Variants in RPP30 observed in about 807,000 individuals in gnomAD.
The protein encoded by RPP30 is ribonuclease P protein subunit p30.
In RPP30, 36 loss-of-function variants were observed where a neutral mutation model predicts 38.6. That is an observed-to-expected ratio of 0.93 (90% CI 0.71 to 1.23). RPP30 has a LOEUF of 1.23. Ranked by LOEUF, RPP30 falls within the 50% of genes most tolerant of loss-of-function variation. RPP30 has a pLI of 0.00. For synonymous variants in RPP30, 126 were observed against 112.7 expected (o/e 1.12, Z -0.75); for missense variants, 321 against 321.7 (o/e 1.00, Z 0.02).
Position 90,899,980 on chromosome 10 carries a change from A to G in RPP30, c.698-590A>G, listed in dbSNP as rs568669639. On this transcript the variant is annotated intron_variant, in intron 10 of 10. Transcript: ENST00000371703. ...CTAATCTAAGCATTTAATAATTTCTATTTATTCTTTGTTCATTGTCACCAG... is the reference window on the plus strand; with the variant it reads ...CTAATCTAAGCATTTAATAATTTCTGTTTATTCTTTGTTCATTGTCACCAG... Among the ~76,000 whole-genome samples, 10 of 152,280 alleles carry G rather than the reference A, an allele frequency of 6.6e-5. No homozygotes were observed. In the East Asian group the frequency reaches 1.5e-3, roughly 23 times the overall value.
chr10:90,895,377 T>G, intron 7 of RPP30, 77 bp from the exon 8 acceptor site: 1 of 800,872 alleles, frequency 1.2e-6, no homozygotes. Flanking sequence ...TAAAATATGA[T>G]TACTGGCTAT....
intron 5 of RPP30, among the ~76,000 whole-genome samples, chr10:90,883,066 A>G (rs896898769): frequency 6.6e-6 from 1 of 152,156 alleles, no homozygotes; most frequent in Admixed American, 6.5e-5. Flanking sequence ...AGTTTTGTAC[A>G]CATTAAAGTT....
chr10:90,879,031 A>G (rs2120189743), intron 4 of RPP30, 32 bp from the exon 5 acceptor site: 1 of 1,576,816 alleles, frequency 6.3e-7, no homozygotes, highest in Non-Finnish European at 8.7e-7. Context: ...GGATTTTGTT[A>G]TTGTATGATA....
At chr10:90,878,691 C>A (rs1430335822) in intron 4 of RPP30, among the ~76,000 whole-genome samples, 1 of 152,138 alleles carries the variant, frequency 6.6e-6, no homozygotes, top group Admixed American at 6.5e-5. Flanking sequence ...TGGAGTCTCA[C>A]AATGTTTCCC....
chr10:90,903,243 C>A, downstream of RPP30: 3 of 1,610,216 alleles, frequency 1.9e-6, no homozygotes, highest in Non-Finnish European at 2.5e-6. Context: ...AGAGATCATA[C>A]TCCCAAGAAC....
chr10:90,885,427 C>T (rs947602270), intron 5 of RPP30, among the ~76,000 whole-genome samples: 2 of 152,162 alleles, frequency 1.3e-5, no homozygotes, highest in Admixed American at 6.5e-5. Context: ...TGCATACATT[C>T]CATTTGGCTT....
chr10:90,907,800 C>T (rs1847269370), downstream of RPP30, among the ~76,000 whole-genome samples: 1 of 152,178 alleles, frequency 6.6e-6, no homozygotes, highest in African/African-American at 2.4e-5. Flanking sequence ...ATCTTAGACA[C>T]TCTGTATTGT....
rs1031725859 is a variant in RPP30 at position 90,886,796 on chromosome 10, T to A, written c.432+895T>A. On this transcript the variant is annotated intron_variant, in intron 6 of 10. Transcript: ENST00000371703. ...TCAGAATCAGAAGATTAATTTTTTT[T>A]AAGTTTTTCAAAGGATAATTCCCTT... is the stretch of plus-strand genomic sequence containing the variant. 2.0e-5 allele frequency among the ~76,000 whole-genome samples: 3 copies of A among 152,220 alleles called. No individual in the cohort carries two copies. In the South Asian group the frequency reaches 6.2e-4, roughly 31 times the overall value.
chr10:90,900,721 T>C lies in RPP30; in HGVS notation c.*42T>C. On this transcript the variant is annotated 3_prime_UTR_variant, in exon 11 of 11. Coordinates refer to ENST00000371703, the MANE Select transcript of RPP30 (RefSeq NM_006413.5). ...TCTGTCAGCACTCCCTTCTTCCCTT[T>C]TATAGTTCATCAGCCACAACAAAAA... 1 of 1,583,522 alleles carries C rather than the reference T, an allele frequency of 6.3e-7. No individual in the cohort carries two copies. Among genetic ancestry groups the C allele is most frequent in the Non-Finnish European group, 8.6e-7 (1 of 1,167,920 alleles).
intron 5 of RPP30, among the ~76,000 whole-genome samples, chr10:90,883,934 T>C (rs1042028199): frequency 2.6e-5 from 4 of 152,178 alleles, no homozygotes; most frequent in Admixed American, 2.0e-4. Context: ...TTACCTCGTC[T>C]TTTTTTCCTT....
chr10:90,895,495 A>AT lies in RPP30; in HGVS notation c.579+13dup. 1 of 1,363,672 alleles carries AT rather than the reference A, an allele frequency of 7.3e-7. No homozygotes were observed. Among genetic ancestry groups the AT allele is most frequent in the Non-Finnish European group, 9.6e-7 (1 of 1,038,066 alleles). The allele number at this position is 1,363,672 out of a possible 1,614,324, so 84.5% of individuals were successfully genotyped here. On this transcript the variant is annotated intron_variant, in intron 8 of 10. Coordinates refer to ENST00000371703, the MANE Select transcript of RPP30 (RefSeq NM_006413.5). ...GTGCTGCAGAAAGGGTAAGTCTAGC[A>AT]TGAAGTACTTTGTTTTCATCTTTCA...
chr10:90,907,888 T>G (rs942970148), downstream of RPP30, among the ~76,000 whole-genome samples: 1 of 152,202 alleles, frequency 6.6e-6, no homozygotes, highest in African/African-American at 2.4e-5. Context: ...TTCTGAAAGG[T>G]GCATCATTAG....
intron 6 of RPP30, among the ~76,000 whole-genome samples, chr10:90,891,027 A>G (rs1168087492): frequency 1.3e-5 from 2 of 152,212 alleles, no homozygotes; most frequent in African/African-American, 4.8e-5. Flanking sequence ...TTTTGCTCGT[A>G]ACTGTGTAAA....
chr10:90,892,476 A>T (rs1033788845), intron 6 of RPP30, among the ~76,000 whole-genome samples: 6 of 152,156 alleles, frequency 3.9e-5, no homozygotes, highest in African/African-American at 1.4e-4. Context: ...AATTATGCTG[A>T]TAATATCCTT....
intron 5 of RPP30, 75 bp downstream of exon 5, chr10:90,879,209 G>A: frequency 9.0e-7 from 1 of 1,115,460 alleles, no homozygotes; most frequent in South Asian, 1.4e-5. Context: ...CTTTGTAGAT[G>A]ACCTGTTTTG....
chr10:90,888,465 T>C (rs892527310), intron 6 of RPP30, among the ~76,000 whole-genome samples: 1 of 152,218 alleles, frequency 6.6e-6, no homozygotes, highest in Non-Finnish European at 1.5e-5. Context: ...CCGGCTGTCA[T>C]GGTCCTTTTT....
chr10:90,886,561 T>C (rs1198174761), intron 6 of RPP30, among the ~76,000 whole-genome samples: 3 of 152,178 alleles, frequency 2.0e-5, no homozygotes, highest in Non-Finnish European at 4.4e-5. Flanking sequence ...CATCATAAGG[T>C]AATATTATTT....
chr10:90,874,627 G>C (rs887034153), intron 1 of RPP30, among the ~76,000 whole-genome samples: 2 of 152,212 alleles, frequency 1.3e-5, no homozygotes. Flanking sequence ...TTTCATGACA[G>C]TGTATGAAGA....
chr10:90,896,820 A>G (rs1481595239), intron 10 of RPP30, among the ~76,000 whole-genome samples: 4 of 152,234 alleles, frequency 2.6e-5, no homozygotes, highest in Non-Finnish European at 5.9e-5. Context: ...AACTAACAAA[A>G]CATAGACTGT....
Sources: gnomAD v4.1 joint callset for allele counts (sites outside exome capture counted in the v4.1 genomes callset) on GRCh38, gnomAD v4.1.1 for gene constraint, MANE v1.5 for transcripts, NCBI Gene and HGNC (gene_info 2026-07-23, HGNC 2026-07-21) for gene names.